Variants in MGARP observed in about 807,000 individuals in gnomAD.
The protein encoded by MGARP is mitochondria localized glutamic acid rich protein.
A neutral mutation model predicts 11.0 loss-of-function variants in MGARP; 12 were observed. The observed-to-expected ratio is 1.09, with a 90% confidence interval of 0.70 to 1.77. The LOEUF is 1.77. Among genes scored for constraint, MGARP ranks in the 40% most tolerant of loss-of-function variants. The pLI is 0.00. For synonymous variants in MGARP, 110 were observed against 115.4 expected (o/e 0.95, Z 0.30); for missense variants, 283 against 297.8 (o/e 0.95, Z 0.36).
chr4:139,278,823 G>A (rs1211251907), intron 1 of MGARP, among the ~76,000 whole-genome samples: 1 of 152,116 alleles, frequency 6.6e-6, no homozygotes, highest in East Asian at 1.9e-4. Context: ...AGGCAATAAA[G>A]ATCTAGGAAA....
chr4:139,268,822 C>T, intron 2 of MGARP, 57 bp from the exon 3 acceptor site: 1 of 1,300,752 alleles, frequency 7.7e-7, no homozygotes, highest in Non-Finnish European at 1.1e-6. Flanking sequence ...TGTCACGCCA[C>T]ATCCAAAGGT....
chr4:139,273,656 A>G (rs1744822703), intron 2 of MGARP, among the ~76,000 whole-genome samples: 1 of 151,766 alleles, frequency 6.6e-6, no homozygotes, highest in Admixed American at 6.6e-5. Context: ...CTATGATTAC[A>G]GGCACCTGCC....
In MGARP at chr4:139,266,572, G is replaced by T; in HGVS notation, c.*27C>A. On this transcript the variant is annotated 3_prime_UTR_variant, in exon 4 of 4. Transcript: ENST00000398955. ...ACTTATCAGACACCCTATGGCATTTGTTGCTGAAATGTCTACCGGCTGGAG... is the reference window on the plus strand; with the variant it reads ...ACTTATCAGACACCCTATGGCATTTTTTGCTGAAATGTCTACCGGCTGGAG... The T allele has an allele frequency of 6.3e-7, 1 of 1,594,008 alleles. No individual in the cohort carries two copies.
chr4:139,270,840 TATG>T (rs1744770171), intron 2 of MGARP, among the ~76,000 whole-genome samples: 1 of 152,096 alleles, frequency 6.6e-6, no homozygotes. Flanking sequence ...GTAGGACCAA[TATG>T]ATAAGTCAGT....
At chr4:139,272,686 C>CTTTTTTTT (rs774228171) in intron 2 of MGARP, among the ~76,000 whole-genome samples, 26 of 111,232 alleles carry the variant, frequency 2.3e-4, no homozygotes, top group African/African-American at 3.6e-4. Flanking sequence ...ATTCATATTT[C>CTTTTTTTT]TTTTTTTTTT....
chr4:139,269,713 C>G (rs1744750348), intron 2 of MGARP, among the ~76,000 whole-genome samples: 2 of 151,366 alleles, frequency 1.3e-5, no homozygotes, highest in Admixed American at 1.3e-4. Flanking sequence ...AATGTGCAGG[C>G]TTCCTTTCAT....
chr4:139,271,441 G>A (rs13127382), intron 2 of MGARP, among the ~76,000 whole-genome samples: 3 of 152,120 alleles, frequency 2.0e-5, no homozygotes, highest in African/African-American at 4.8e-5. Flanking sequence ...CAGGAGAATC[G>A]CTTGAACCCG....
intron 3 of MGARP, 133 bp from the exon 4 acceptor site, chr4:139,267,174 A>G: frequency 1.1e-6 from 1 of 885,610 alleles, no homozygotes; most frequent in African/African-American, 1.7e-5. Flanking sequence ...TAGACTCTCA[A>G]GTGAAACAGC....
chr4:139,268,627 G>A (rs1288380219), intron 3 of MGARP, 45 bp downstream of exon 3: 1 of 1,352,632 alleles, frequency 7.4e-7, no homozygotes, highest in Non-Finnish European at 1.0e-6. Context: ...GGAAATTAGT[G>A]CCTCAAAAAA....
At position 139,266,828 on chromosome 4, in the gene MGARP, GC is replaced by G; in HGVS notation, c.493del (p.Ala165ArgfsTer7). ...ETGPEVTDAAARETTEVNPET... is the reference protein window; with the variant it reads ...ETGPEVTDAAXRETTEVNPET... ...AGGGTTTACTTCCGTGGTTTCCCTC[GC>G]CGCTGCATCTGTGACCTCTGGCCCG... On this transcript the variant is annotated frameshift_variant, in exon 4 of 4. Coordinates refer to ENST00000398955, the MANE Select transcript of MGARP (RefSeq NM_032623.4). LOFTEE classifies it low-confidence loss of function (END_TRUNC). 1.2e-6 allele frequency: 2 copies of G among 1,613,628 alleles called. No homozygotes were observed. The highest frequency in any genetic ancestry group is 1.7e-6 in the Non-Finnish European group (2 of 1,180,036).
intron 2 of MGARP, among the ~76,000 whole-genome samples, chr4:139,272,835 G>A (rs1225460779): frequency 2.6e-5 from 4 of 151,218 alleles, no homozygotes; most frequent in East Asian, 2.0e-4. Flanking sequence ...ACAGGTGCCC[G>A]CCACCACGCC....
chr4:139,279,052 T>G (rs963343353), intron 1 of MGARP, among the ~76,000 whole-genome samples: 14 of 151,958 alleles, frequency 9.2e-5, no homozygotes, highest in Admixed American at 6.6e-5. Context: ...CTCGGAAGGC[T>G]CAGAAAGTGA....
At chr4:139,269,630 CA>C (rs56142345) in intron 2 of MGARP, among the ~76,000 whole-genome samples, 140 of 81,822 alleles carry the variant, frequency 1.7e-3, no homozygotes, top group Admixed American at 2.9e-3. Context: ...GACTCCATCT[CA>C]AAAAAAAAAA....
chr4:139,266,952 C>G lies in MGARP; in HGVS notation c.370G>C (p.Glu124Gln). Residue 124 changes from glutamate to glutamine, a missense_variant, in exon 4 of 4, where the codon GAA (glutamate) becomes CAA (glutamine). Physicochemically the swap from Glu to Gln is conservative, Grantham distance 29. Coordinates refer to ENST00000398955, the MANE Select transcript of MGARP (RefSeq NM_032623.4). ...ACCACAACTGTAGCACTGGGACTTT[C>G]TTCAGCATCTACCACCTCAGCTTCC... The part of the protein sequence containing the change: ...IVEAEVVDAE[E>Q]SPSATVVVIK... 1.9e-6 allele frequency: 3 copies of G among 1,614,216 alleles called. No individual in the cohort carries two copies. In the Admixed American group the frequency reaches 5.0e-5, roughly 27 times the overall value.
Position 139,268,765 on chromosome 4 carries a change from C to G in MGARP, c.187G>C (p.Ala63Pro), listed in dbSNP as rs149706719. The G allele has an allele frequency of 1.1e-5, 18 of 1,601,084 alleles. 1 individual carries two copies. The highest frequency in any genetic ancestry group is 1.7e-4 in the Middle Eastern group (1 of 6,004). ...GVTVSAGGYY[A>P]YKTVTSDQAK... is the part of the protein sequence containing the mutation. Reference sequence around the variant, plus strand: ...TGGTCTGATGTGACTGTCTTGTAAGCCTGAAAGTAAATGTATGCTTAGGTT... The same window carrying G: ...TGGTCTGATGTGACTGTCTTGTAAGGCTGAAAGTAAATGTATGCTTAGGTT... The change falls in exon 3 of 4, where the codon GCT becomes CCT. Residue 63 changes from alanine to proline, a missense_variant and splice_region_variant. Coordinates refer to ENST00000398955, the MANE Select transcript of MGARP (RefSeq NM_032623.4).
chr4:139,280,031 A>T, intron 1 of MGARP, 46 bp downstream of exon 1: 1 of 1,598,150 alleles, frequency 6.3e-7, no homozygotes, highest in Non-Finnish European at 8.5e-7. Flanking sequence ...CGAAATCTGC[A>T]CCCGAGGCGC....
intron 2 of MGARP, among the ~76,000 whole-genome samples, chr4:139,273,910 T>G (rs1744826904): frequency 6.6e-6 from 1 of 152,218 alleles, no homozygotes; most frequent in South Asian, 2.1e-4. Flanking sequence ...AAAAAATGTC[T>G]GTCATTTTAG....
intron 2 of MGARP, among the ~76,000 whole-genome samples, chr4:139,271,708 G>A (rs1192250563): frequency 2.0e-5 from 3 of 152,180 alleles, no homozygotes; most frequent in African/African-American, 7.2e-5. Context: ...CAAGTATACA[G>A]GTTTTGGAGT....
chr4:139,266,393 C>T lies in MGARP; in HGVS notation c.*206G>A. 2 of 564,714 alleles carry T rather than the reference C, an allele frequency of 3.5e-6. No homozygotes were observed. Among genetic ancestry groups the T allele is most frequent in the Non-Finnish European group, 6.2e-6 (2 of 321,752 alleles). 35.0% of individuals were successfully genotyped at this position (564,714 alleles called of 1,614,324 possible). A position where few individuals can be genotyped will look rare whatever the true frequency, so the allele number is the denominator to read the frequency against. On this transcript the variant is annotated 3_prime_UTR_variant, in exon 4 of 4. Transcript: ENST00000398955. ...CTTTACTGCAATGTCATATTCTGAT[C>T]TCAGACAGTAGAAGAGTAGTAAGAA...
Sources: gnomAD v4.1 joint callset for allele counts (sites outside exome capture counted in the v4.1 genomes callset) on GRCh38, gnomAD v4.1.1 for gene constraint, MANE v1.5 for transcripts, NCBI Gene and HGNC (gene_info 2026-07-23, HGNC 2026-07-21) for gene names.